The following TAF3 variants were observed in gnomAD, a reference collection of about 807,000 sequenced individuals.
TAF3 encodes the protein transcription initiation factor TFIID subunit 3.
In TAF3, 7 loss-of-function variants were observed where a neutral mutation model predicts 80.6. The ratio of observed to expected loss-of-function variants is 0.09; its 90% CI spans 0.05 to 0.16. TAF3 has a LOEUF of 0.16. Ranked by LOEUF, TAF3 falls within the 10% of genes least tolerant of loss-of-function variation. The pLI is 1.00. For missense variants in TAF3, 921 were observed against 1,140.2 expected, an observed-to-expected ratio of 0.81 and a Z score of 2.77; for synonymous variants, 444 against 446.1, an observed-to-expected ratio of 1.00 and a Z score of 0.06.
chr10:7,917,641 C>A (rs762395141), intron 2 of TAF3, among the ~76,000 whole-genome samples: 1 of 152,136 alleles, frequency 6.6e-6, no homozygotes, highest in African/African-American at 2.4e-5. Flanking sequence ...GAGAATAGGT[C>A]GGGTTCTGAG....
rs114739466 is a variant in TAF3 at position 8,008,963 on chromosome 10, C to T, written c.2316-115C>T. Reference sequence around the variant, plus strand: ...ACTCAGTTCTTGAGCTGCCTCTAGACGTTGAAGTATTTCGCTACTGGAAGA... The same window carrying T: ...ACTCAGTTCTTGAGCTGCCTCTAGATGTTGAAGTATTTCGCTACTGGAAGA... On this transcript the variant is annotated intron_variant, in intron 4 of 6. Coordinates refer to ENST00000344293, the MANE Select transcript of TAF3 (RefSeq NM_031923.4). The T allele has an allele frequency of 5.2e-4, 735 of 1,400,676 alleles. 1 individual carries two copies. Among genetic ancestry groups the T allele is most frequent in the African/African-American group, 4.7e-3 (320 of 68,328 alleles). 86.8% of individuals were successfully genotyped at this position (1,400,676 alleles called of 1,614,324 possible).
At chr10:7,952,085 A>G (rs1475890199) in intron 2 of TAF3, among the ~76,000 whole-genome samples, 2 of 152,222 alleles carry the variant, frequency 1.3e-5, no homozygotes, top group Non-Finnish European at 2.9e-5. Context: ...GAAAATCATG[A>G]TGATAGTGAT....
Position 8,013,747 on chromosome 10 carries a change from G to A in TAF3, c.2585G>A (p.Gly862Asp). Residue 862 changes from glycine to aspartate, a missense_variant, in exon 6 of 7, where the codon GGC (glycine) becomes GAC (aspartate). This residue lies in a region of TAF3 where 27 missense variants were observed against 42.5 expected (regional missense o/e 0.64). Coordinates refer to ENST00000344293, the MANE Select transcript of TAF3 (RefSeq NM_031923.4). Reference protein sequence around the residue: ...VSTYVIRDEWGNQIWICPGCN... With the variant: ...VSTYVIRDEWDNQIWICPGCN... ...AAACATCAGATCCGAGATGAGTGGG[G>A]CAATCAGATCTGGATCTGCCCTGGG... The A allele has an allele frequency of 6.2e-7, 1 of 1,614,036 alleles. No individual in the cohort carries two copies. Among genetic ancestry groups the A allele is most frequent in the Non-Finnish European group, 8.5e-7 (1 of 1,179,972 alleles).
At chr10:7,898,188 C>T (rs186378946) in intron 2 of TAF3, among the ~76,000 whole-genome samples, 252 of 152,112 alleles carry the variant, frequency 1.7e-3, no homozygotes, top group African/African-American at 4.7e-3. Flanking sequence ...ATTTTTTAAA[C>T]GTAAATAGGA....
chr10:7,981,626 C>G (rs1033453256), intron 4 of TAF3, among the ~76,000 whole-genome samples: 1 of 152,130 alleles, frequency 6.6e-6, no homozygotes, highest in Non-Finnish European at 1.5e-5. Context: ...TTTTCAGAAA[C>G]CACTTTACCT....
In TAF3 at chr10:8,009,473, C is replaced by T; in HGVS notation, c.2568+143C>T. ...TAATTATTTTTGAGACAGGGTCTCC[C>T]TGTGTGGCTCAGGCTGGAGTACAGT... is the stretch of plus-strand genomic sequence containing the variant. On this transcript the variant is annotated intron_variant, in intron 5 of 6. Transcript: ENST00000344293. This position sits in a 1 kb window ranked among gnomAD's most constrained non-coding sequence, Gnocchi z 4.1. The T allele has an allele frequency of 7.9e-7, 1 of 1,261,538 alleles. No individual in the cohort carries two copies. The highest frequency in any genetic ancestry group is 3.6e-5 in the East Asian group (1 of 27,816). 78.1% of individuals were successfully genotyped at this position (1,261,538 alleles called of 1,614,324 possible).
Position 8,009,351 on chromosome 10 carries a change from C to T in TAF3, c.2568+21C>T. 6.9e-6 allele frequency: 11 copies of T among 1,583,944 alleles called. No homozygotes were observed. Among genetic ancestry groups the T allele is most frequent in the Non-Finnish European group, 8.6e-6 (10 of 1,164,830 alleles). On this transcript the variant is annotated intron_variant, in intron 5 of 6. Coordinates refer to ENST00000344293, the MANE Select transcript of TAF3 (RefSeq NM_031923.4). The surrounding 1 kb of genome is among the most constrained non-coding windows in gnomAD (Gnocchi z 4.1). Reference sequence around the variant, plus strand: ...ACGTGGTGCGTACCTGCCGCCCGCGCGGTTAGCATGGAGACGTTTTCAGAT... The same window carrying T: ...ACGTGGTGCGTACCTGCCGCCCGCGTGGTTAGCATGGAGACGTTTTCAGAT...
intron 2 of TAF3, among the ~76,000 whole-genome samples, chr10:7,962,725 A>T (rs1831522574): frequency 6.6e-6 from 1 of 152,170 alleles, no homozygotes; most frequent in Non-Finnish European, 1.5e-5. Context: ...CCTCGCTGAG[A>T]TCTGTCTCTC....
intron 4 of TAF3, among the ~76,000 whole-genome samples, chr10:8,000,106 A>T (rs1040975979): frequency 1.3e-5 from 2 of 152,090 alleles, no homozygotes; most frequent in African/African-American, 4.8e-5. Context: ...TGTAACAGGC[A>T]TTTTCATCTT....
chr10:7,885,639 T>A (rs1186991365), intron 2 of TAF3, among the ~76,000 whole-genome samples: 3 of 152,250 alleles, frequency 2.0e-5, no homozygotes, highest in Admixed American at 1.3e-4. Context: ...CAATTATCCA[T>A]GTTTCTAATT....
At chr10:7,920,312 GTGTGTGTGTGTGTGTGTGTA>G (rs1280841573) in intron 2 of TAF3, among the ~76,000 whole-genome samples, 1,684 of 37,040 alleles carry the variant, frequency 0.045, 21 homozygotes, top group East Asian at 0.33. Flanking sequence ...GTGTGTGTGT[GTGTGTGTGTGTGTGTGTGTA>G]TGTGTGTGTG....
chr10:7,926,458 T>C (rs761524512), intron 2 of TAF3, among the ~76,000 whole-genome samples: 2 of 152,202 alleles, frequency 1.3e-5, no homozygotes, highest in Non-Finnish European at 2.9e-5. Flanking sequence ...CAGGTCCATA[T>C]AGTATAAACA....
intron 6 of TAF3, 113 bp downstream of exon 6, chr10:8,013,950 A>G: frequency 1.2e-6 from 1 of 856,770 alleles, no homozygotes; most frequent in Non-Finnish European, 1.9e-6. Context: ...GGGCTGTCCT[A>G]GGGACAGTAC....
At chr10:7,994,472 C>G (rs1481545151) in intron 4 of TAF3, among the ~76,000 whole-genome samples, 2 of 152,152 alleles carry the variant, frequency 1.3e-5, no homozygotes, top group African/African-American at 4.8e-5. Flanking sequence ...TGAGTTTATA[C>G]TGTTTCCAGT....
Position 7,942,374 on chromosome 10 carries a change from T to C in TAF3, c.410-21546T>C, listed in dbSNP as rs951040750. On this transcript the variant is annotated intron_variant, in intron 2 of 6. Coordinates refer to ENST00000344293, the MANE Select transcript of TAF3 (RefSeq NM_031923.4). ...TTCATTGGCTTATTTATAGAACTTA[T>C]CTCTGGTAGTTCAGGTTTTTTTCAG... Among the ~76,000 whole-genome samples, 4 of 152,356 alleles carry C rather than the reference T, an allele frequency of 2.6e-5. 1 individual carries two copies. The highest frequency in any genetic ancestry group is 1.9e-4 in the East Asian group (1 of 5,190).
At chr10:7,957,794 G>GCT (rs376837630) in intron 2 of TAF3, among the ~76,000 whole-genome samples, 7,676 of 130,638 alleles carry the variant, frequency 0.059, 293 homozygotes, top group South Asian at 0.13. Context: ...TCTCTAGCGC[G>GCT]CTCTCTCTCT....
intron 4 of TAF3, among the ~76,000 whole-genome samples, chr10:7,996,654 G>A (rs1003551557): frequency 2.0e-5 from 3 of 149,648 alleles, no homozygotes; most frequent in East Asian, 2.0e-4. Flanking sequence ...GGTTTTTTTT[G>A]TGTTATCTGT....
chr10:8,005,842 C>T (rs138537403), intron 4 of TAF3, among the ~76,000 whole-genome samples: 12 of 152,298 alleles, frequency 7.9e-5, no homozygotes, highest in Admixed American at 5.9e-4. Flanking sequence ...TAAGGCAAAC[C>T]TCAGTACACA....
intron 2 of TAF3, among the ~76,000 whole-genome samples, chr10:7,876,959 C>T (rs551143846): frequency 6.6e-6 from 1 of 151,746 alleles, no homozygotes; most frequent in Non-Finnish European, 1.5e-5. Context: ...ATAAAACTGT[C>T]ATCCTGATTT....
Sources: allele counts gnomAD v4.1 joint callset (sites outside exome capture counted in the v4.1 genomes callset), GRCh38; gene constraint gnomAD v4.1.1; regional missense constraint gnomAD v4.1.1; non-coding constraint Gnocchi (gnomAD v3.1); transcripts MANE v1.5; gene names NCBI Gene and HGNC (gene_info 2026-07-23, HGNC 2026-07-21).